The following RAB22A variants were observed in gnomAD, a reference collection of about 807,000 sequenced individuals.
The protein encoded by RAB22A is ras-related protein Rab-22A.
A neutral mutation model predicts 30.2 loss-of-function variants in RAB22A; 13 were observed. The observed-to-expected ratio is 0.43, with a 90% confidence interval of 0.28 to 0.68. The LOEUF (loss-of-function observed/expected upper bound fraction) is 0.68, where lower values mean the gene tolerates loss of function less well. Ranked by LOEUF, RAB22A falls within the 30% of genes least tolerant of loss-of-function variation. RAB22A has a pLI of 0.18. For synonymous variants in RAB22A, 89 were observed against 87.2 expected, an observed-to-expected ratio of 1.02 and a Z score of -0.11; for missense variants, 177 against 246.8, an observed-to-expected ratio of 0.72 and a Z score of 1.89.
chr20:58,331,611 C>T (rs1181001322), intron 2 of RAB22A, among the ~76,000 whole-genome samples: 1 of 151,980 alleles, frequency 6.6e-6, no homozygotes, highest in Admixed American at 6.6e-5. Context: ...AAATATAATT[C>T]GCTTTTTATT....
Position 58,353,298 on chromosome 20 carries a change from A to G in RAB22A, c.224A>G (p.Tyr75Cys), listed in dbSNP as rs1427443865. The G allele has an allele frequency of 1.9e-6, 3 of 1,614,100 alleles. No individual in the cohort carries two copies. The highest frequency in any genetic ancestry group is 2.2e-5 in the East Asian group (1 of 44,880). ...ERFRALAPMY[Y>C]RGSAAAIIVY... ...TTTCGTGCCTTAGCACCAATGTACTATCGAGGGTCGGCTGCAGCTATAATC... is the reference window on the plus strand; with the variant it reads ...TTTCGTGCCTTAGCACCAATGTACTGTCGAGGGTCGGCTGCAGCTATAATC... Residue 75 changes from tyrosine (Y) to cysteine (C), a missense_variant, in exon 4 of 7, where the codon TAT (tyrosine) becomes TGT (cysteine). Physicochemically the swap from Tyr to Cys is radical, Grantham distance 194. Transcript: ENST00000244040.
At position 58,309,739 on chromosome 20, in the gene RAB22A, A is replaced by ATGG. The variant is rs1986178871; in HGVS notation, c.-237_-235dup. The ATGG allele has an allele frequency of 4.1e-6, 1 of 244,594 alleles. No homozygotes were observed. The highest frequency in any genetic ancestry group is 7.7e-6 in the Non-Finnish European group (1 of 129,530). 15.2% of individuals were successfully genotyped at this position (244,594 alleles called of 1,614,324 possible). ...CAGGTGACGCGGCCGGCGTCCCAAG[A>ATGG]TGGCGGCGGCGGCGGCTCCCGGAAG... On this transcript the variant is annotated 5_prime_UTR_variant, in exon 1 of 7. Coordinates refer to ENST00000244040, the MANE Select transcript of RAB22A (RefSeq NM_020673.3).
Position 58,367,283 on chromosome 20 carries a change from A to G in RAB22A, c.*7580A>G, listed in dbSNP as rs1220709849. On this transcript the variant is annotated 3_prime_UTR_variant, in exon 7 of 7. Transcript: ENST00000244040. ...TGTATTGTTTATAGATGCTGACAAA[A>G]GAAAACTAGACCTTTTGTTTTTTGT... The G allele has an allele frequency of 1.3e-5, 2 of 152,306 alleles. No individual in the cohort carries two copies. Among genetic ancestry groups the G allele is most frequent in the Non-Finnish European group, 2.9e-5 (2 of 68,034 alleles). The allele number at this position is 152,306 out of a possible 1,614,324, so 9.4% of individuals were successfully genotyped here.
rs1006570560 is a variant in RAB22A, at chr20:58,320,723, T to C, written c.116+9601T>C. ...ATTTTCTAATTCCCAATTCTTTGGGTATTTTCCAGAAATTTTTCAAGTATC... is the reference window on the plus strand; with the variant it reads ...ATTTTCTAATTCCCAATTCTTTGGGCATTTTCCAGAAATTTTTCAAGTATC... On this transcript the variant is annotated intron_variant, in intron 2 of 6. Coordinates refer to ENST00000244040, the MANE Select transcript of RAB22A (RefSeq NM_020673.3). Among the ~76,000 whole-genome samples the C allele has an allele frequency of 7.9e-5, 12 of 152,214 alleles. No homozygotes were observed. The South Asian group carries it at 2.3e-3, about 29-fold the overall frequency.
rs115221464 is a variant in RAB22A, at chr20:58,313,684, C to A, written c.116+2562C>A. 7.1e-3 allele frequency among the ~76,000 whole-genome samples: 1,083 copies of A among 152,290 alleles called. 7 individuals are homozygous for A. The highest frequency in any genetic ancestry group is 0.025 in the African/African-American group (1,026 of 41,560). ...AATAGCCAAAGTCAAATGGCCTTTT[C>A]TTGGTAGTTTTCTTTATTCATAGAG... On this transcript the variant is annotated intron_variant, in intron 2 of 6. Transcript: ENST00000244040.
intron 2 of RAB22A, among the ~76,000 whole-genome samples, chr20:58,331,202 T>G (rs542604533): frequency 6.6e-6 from 1 of 152,336 alleles, no homozygotes; most frequent in Non-Finnish European, 1.5e-5. Flanking sequence ...CTCTAAATAT[T>G]GGAATGGTTG....
At chr20:58,338,749 T>TA (rs1240175841) in intron 2 of RAB22A, among the ~76,000 whole-genome samples, 1 of 152,240 alleles carries the variant, frequency 6.6e-6, no homozygotes, top group Non-Finnish European at 1.5e-5. Context: ...GGTCCCTTGA[T>TA]ACCTCTGTTA....
At chr20:58,311,647 G>A (rs148659609) in intron 2 of RAB22A, among the ~76,000 whole-genome samples, 225 of 152,214 alleles carry the variant, frequency 1.5e-3, no homozygotes, top group African/African-American at 5.1e-3. Context: ...TGTTTTTGAC[G>A]CTATAAGAAA....
At chr20:58,343,052 A>T (rs1371816753) in intron 2 of RAB22A, among the ~76,000 whole-genome samples, 2 of 152,200 alleles carry the variant, frequency 1.3e-5, no homozygotes, top group Non-Finnish European at 2.9e-5. Context: ...TGTGACCTGC[A>T]AACCATGATT....
chr20:58,321,978 T>C (rs1986469530), intron 2 of RAB22A, among the ~76,000 whole-genome samples: 2 of 152,182 alleles, frequency 1.3e-5, no homozygotes, highest in African/African-American at 4.8e-5. Context: ...TTTTTCATTT[T>C]TTGTAGAGCT....
chr20:58,350,229 G>C (rs973703917), intron 3 of RAB22A, among the ~76,000 whole-genome samples: 3 of 152,180 alleles, frequency 2.0e-5, no homozygotes, highest in African/African-American at 7.2e-5. Context: ...AAACTCACTG[G>C]AGGGTGATAG....
intron 2 of RAB22A, among the ~76,000 whole-genome samples, chr20:58,323,552 A>G (rs1986499176): frequency 6.6e-6 from 1 of 151,946 alleles, no homozygotes; most frequent in African/African-American, 2.4e-5. Context: ...AGCTTCTACC[A>G]TCATACCATT....
chr20:58,313,065 A>G (rs755337298), intron 2 of RAB22A, among the ~76,000 whole-genome samples: 1 of 152,150 alleles, frequency 6.6e-6, no homozygotes, highest in African/African-American at 2.4e-5. Context: ...TAAAATCCAC[A>G]AGACACCCAG....
intron 2 of RAB22A, among the ~76,000 whole-genome samples, chr20:58,320,279 G>A (rs1393037506): frequency 5.9e-5 from 9 of 152,190 alleles, no homozygotes; most frequent in South Asian, 2.1e-4. Flanking sequence ...AGTAAATACT[G>A]TAAAGGCTTA....
At chr20:58,312,412 G>A (rs907754271) in intron 2 of RAB22A, among the ~76,000 whole-genome samples, 1 of 143,980 alleles carries the variant, frequency 6.9e-6, no homozygotes, top group South Asian at 2.2e-4. Context: ...TATCACACCT[G>A]GCTAAATTTT....
At chr20:58,344,365 T>C (rs2042103085) in intron 3 of RAB22A, among the ~76,000 whole-genome samples, 1 of 152,150 alleles carries the variant, frequency 6.6e-6, no homozygotes. Context: ...TGGGGTCTAA[T>C]GGAATTTGGG....
At chr20:58,350,845 T>C (rs1987036013) in intron 3 of RAB22A, among the ~76,000 whole-genome samples, 2 of 152,196 alleles carry the variant, frequency 1.3e-5, no homozygotes, top group East Asian at 3.8e-4. Context: ...AATAGAAACG[T>C]ATGTTTTTTC....
chr20:58,340,517 T>C (rs1052686577), intron 2 of RAB22A, among the ~76,000 whole-genome samples: 2 of 152,184 alleles, frequency 1.3e-5, no homozygotes, highest in African/African-American at 4.8e-5. Flanking sequence ...CCTAGATCTG[T>C]TGGCATAACA....
chr20:58,330,137 T>G (rs60437193), intron 2 of RAB22A, among the ~76,000 whole-genome samples: 308 of 152,364 alleles, frequency 2.0e-3, no homozygotes, highest in African/African-American at 7.2e-3. Flanking sequence ...AAATGCTATA[T>G]CATTTTATAC....
Sources: allele counts gnomAD v4.1 joint callset (sites outside exome capture counted in the v4.1 genomes callset), GRCh38; gene constraint gnomAD v4.1.1; transcripts MANE v1.5; gene names NCBI Gene and HGNC (gene_info 2026-07-23, HGNC 2026-07-21).